The following JMJD1C variants were observed in gnomAD, a reference collection of about 807,000 sequenced individuals.
JMJD1C encodes the protein jumonji domain-containing protein 1C.
JMJD1C carries 31 observed loss-of-function variants against 245.3 expected under a neutral mutation model. The observed-to-expected ratio is 0.13, with a 90% CI of 0.09 to 0.17. The LOEUF (loss-of-function observed/expected upper bound fraction) is 0.17. Ranked by LOEUF, JMJD1C falls within the 10% of genes least tolerant of loss-of-function variation. The pLI is 1.00. For missense variants in JMJD1C, 2,691 were observed against 3,000.2 expected (o/e 0.90, Z 2.41); for synonymous variants, 1,057 against 1,017.4 (o/e 1.04, Z -0.74).
chr10:63,354,116 G>A (rs1381363238), intron 2 of JMJD1C, among the ~76,000 whole-genome samples: 1 of 152,210 alleles, frequency 6.6e-6, no homozygotes, highest in East Asian at 1.9e-4. Flanking sequence ...TGGGATTACA[G>A]GCATGAGCCA....
Position 63,197,417 on chromosome 10 carries a change from A to T in JMJD1C, c.5638T>A (p.Ser1880Thr). 6.2e-7 allele frequency: 1 copy of T among 1,612,982 alleles called. No individual in the cohort carries two copies. The highest frequency in any genetic ancestry group is 8.5e-7 in the Non-Finnish European group (1 of 1,179,668). Reference protein sequence around the residue: ...DCYKAKERKSSRDKELYAWMK... With the variant: ...DCYKAKERKSTRDKELYAWMK... Reference sequence around the variant, plus strand: ...TATAAACTTATACACCAACCTCTAGAACTCTTCCTTTCCTTTGCCTTGTAA... The same window carrying T: ...TATAAACTTATACACCAACCTCTAGTACTCTTCCTTTCCTTTGCCTTGTAA... Residue 1880 changes from serine to threonine, a missense_variant, in exon 13 of 26, where the codon TCT (serine) becomes ACT (threonine). Coordinates refer to ENST00000399262, the MANE Select transcript of JMJD1C (RefSeq NM_032776.3).
chr10:63,397,266 T>C (rs1398201820), intron 1 of JMJD1C, among the ~76,000 whole-genome samples: 2 of 152,150 alleles, frequency 1.3e-5, no homozygotes, highest in Non-Finnish European at 2.9e-5. Context: ...CAGGCTGGAG[T>C]GCAATGGCAC....
chr10:63,315,596 T>C (rs1939896843), intron 2 of JMJD1C, among the ~76,000 whole-genome samples: 1 of 152,094 alleles, frequency 6.6e-6, no homozygotes, highest in Non-Finnish European at 1.5e-5. Flanking sequence ...CCCAGCACTT[T>C]GGGAGGCCGA....
intron 3 of JMJD1C, among the ~76,000 whole-genome samples, chr10:63,238,436 G>C (rs911729465): frequency 1.3e-5 from 2 of 151,950 alleles, no homozygotes; most frequent in Non-Finnish European, 2.9e-5. Context: ...TTTAAAAAAG[G>C]AGTTTATATA....
intron 1 of JMJD1C, among the ~76,000 whole-genome samples, chr10:63,492,412 T>A (rs1031687596): frequency 1.3e-5 from 2 of 152,232 alleles, no homozygotes; most frequent in African/African-American, 4.8e-5. Context: ...ACGCCTGTAA[T>A]CCCAGCACTT....
intron 24 of JMJD1C, among the ~76,000 whole-genome samples, chr10:63,173,240 C>T (rs565936651): frequency 2.0e-5 from 3 of 152,266 alleles, no homozygotes; most frequent in East Asian, 3.9e-4. Flanking sequence ...AATTGAACCT[C>T]GCTCCATACT....
Position 63,207,572 on chromosome 10 carries a change from G to T in JMJD1C, c.4097C>A (p.Thr1366Lys). The change falls in exon 10 of 26, where the codon ACA (threonine) becomes AAA (lysine). Residue 1366 changes from threonine to lysine, a missense_variant. Coordinates refer to ENST00000399262, the MANE Select transcript of JMJD1C (RefSeq NM_032776.3). The part of the protein sequence containing the change: ...LPNVNSDSVH[T>K]KSEKNFQAVS... ...AGCCTGAAAGTTTTTTTCAGATTTT[G>T]TGTGAACACTGTCTGAATTCACATT... 1 of 1,614,126 alleles carries T rather than the reference G, an allele frequency of 6.2e-7. No individual in the cohort carries two copies. The highest frequency in any genetic ancestry group is 8.5e-7 in the Non-Finnish European group (1 of 1,180,022).
chr10:63,354,678 T>C (rs199560008), intron 2 of JMJD1C, among the ~76,000 whole-genome samples: 1 of 117,446 alleles, frequency 8.5e-6, no homozygotes, highest in African/African-American at 2.7e-5. Context: ...TACTGCTTTT[T>C]TCTGTTTATA....
chr10:63,467,225 T>C (rs1953328508), upstream of JMJD1C, among the ~76,000 whole-genome samples: 1 of 152,080 alleles, frequency 6.6e-6, no homozygotes, highest in Non-Finnish European at 1.5e-5. Flanking sequence ...CTGTAATAAA[T>C]AGGCTGGGCA....
chr10:63,283,960 A>T (rs1857685950), intron 2 of JMJD1C, among the ~76,000 whole-genome samples: 1 of 152,134 alleles, frequency 6.6e-6, no homozygotes, highest in Non-Finnish European at 1.5e-5. Context: ...GTCAAGAGTC[A>T]ACTTAAAATG....
intron 2 of JMJD1C, among the ~76,000 whole-genome samples, chr10:63,329,178 A>C (rs1941858137): frequency 6.6e-6 from 1 of 152,002 alleles, no homozygotes; most frequent in African/African-American, 2.4e-5. Context: ...GCTACTCAGG[A>C]GACTGAGGTG....
intron 2 of JMJD1C, among the ~76,000 whole-genome samples, chr10:63,354,857 CAAAAAAA>C (rs148651978): frequency 1.5e-4 from 14 of 94,928 alleles, no homozygotes; most frequent in South Asian, 1.1e-3. Context: ...TCTACTTTAA[CAAAAAAA>C]AAAAAAAAAA....
At chr10:63,170,302 TTTCCTC>T (rs746656157) in intron 24 of JMJD1C, among the ~76,000 whole-genome samples, 2 of 152,210 alleles carry the variant, frequency 1.3e-5, no homozygotes, top group Non-Finnish European at 2.9e-5. Context: ...TGGGCCATAC[TTTCCTC>T]TTTCTGTGTA....
rs758354686 is a variant in JMJD1C at position 63,217,221 on chromosome 10, C to G, written c.664G>C (p.Val222Leu). ...GAACTATTTACCTGATCATTCATAA[C>G]GATCATGGTGCGGGTGAAGAGATCA... ...HHDLFTRTMI[V>L]MNDQVLEPQN... Residue 222 changes from valine (V) to leucine (L), a missense_variant, in exon 5 of 26, where the codon GTT becomes CTT. Val to Leu is a conservative substitution (Grantham distance 32). Transcript: ENST00000399262. 1.9e-6 allele frequency: 3 copies of G among 1,608,652 alleles called. No homozygotes were observed. The highest frequency in any genetic ancestry group is 2.5e-6 in the Non-Finnish European group (3 of 1,177,696).
chr10:63,465,330 G>C (rs1953140380), intron 1 of JMJD1C, 165 bp downstream of exon 1: 3 of 709,162 alleles, frequency 4.2e-6, no homozygotes, highest in Non-Finnish European at 4.6e-6. Context: ...GAGAGACGCA[G>C]GGACCCAGGC....
chr10:63,327,182 G>A (rs1282443359), intron 2 of JMJD1C, among the ~76,000 whole-genome samples: 3 of 151,942 alleles, frequency 2.0e-5, no homozygotes, highest in Admixed American at 6.6e-5. Flanking sequence ...CTGAGACCTC[G>A]CCTCAAAAAA....
At position 63,224,987 on chromosome 10, in the gene JMJD1C, A is replaced by T. The variant is rs375624809; in HGVS notation, c.448-5004T>A. Reference sequence around the variant, plus strand: ...TGAGGCAGGAGAATCGCTTGAACCCAGGAGGCAGAGGTTGCAGTGAGCCGA... The same window carrying T: ...TGAGGCAGGAGAATCGCTTGAACCCTGGAGGCAGAGGTTGCAGTGAGCCGA... On this transcript the variant is annotated intron_variant, in intron 3 of 25. Coordinates refer to ENST00000399262, the MANE Select transcript of JMJD1C (RefSeq NM_032776.3). Among the ~76,000 whole-genome samples the T allele has an allele frequency of 2.4e-3, 363 of 151,830 alleles. 3 individuals are homozygous for T. The South Asian group carries it at 0.029, about 12-fold the overall frequency.
intron 3 of JMJD1C, 44 bp from the exon 4 acceptor site, chr10:63,220,027 A>G (rs1422856049): frequency 1.4e-6 from 2 of 1,396,216 alleles, no homozygotes; most frequent in Admixed American, 1.8e-5. Context: ...ACGCTCTCCT[A>G]CCATTAATGT....
intron 1 of JMJD1C, among the ~76,000 whole-genome samples, chr10:63,459,338 C>T (rs1015316375): frequency 6.6e-6 from 1 of 152,102 alleles, no homozygotes; most frequent in Non-Finnish European, 1.5e-5. Context: ...ATTTATCTGA[C>T]CAACACTGAC....
Sources: gnomAD v4.1 joint callset for allele counts (sites outside exome capture counted in the v4.1 genomes callset) on GRCh38, gnomAD v4.1.1 for gene constraint, MANE v1.5 for transcripts, NCBI Gene and HGNC (gene_info 2026-07-23, HGNC 2026-07-21) for gene names.